Variants in CALN1 observed in about 807,000 individuals in gnomAD.
CALN1 encodes the protein calcium-binding protein 8.
In CALN1, 17 loss-of-function variants were observed where a neutral mutation model predicts 30.6. The ratio of observed to expected loss-of-function variants is 0.56; its 90% CI spans 0.38 to 0.83. The LOEUF is 0.83. Among genes scored for constraint, CALN1 ranks in the 40% least tolerant of loss-of-function variants. The pLI, the probability that CALN1 is intolerant of heterozygous loss-of-function variation, is 0.00. For synonymous variants in CALN1, 156 were observed against 131.4 expected (o/e 1.19, Z -1.28); for missense variants, 291 against 354.9 (o/e 0.82, Z 1.45).
intron 2 of CALN1, among the ~76,000 whole-genome samples, chr7:72,383,328 G>A (rs1805023746): frequency 6.6e-6 from 1 of 152,194 alleles, no homozygotes; most frequent in Admixed American, 6.5e-5. Flanking sequence ...AGTTCTTTGA[G>A]AAATCTCCAA....
At chr7:72,335,411 G>A (rs1801948726) in intron 2 of CALN1, among the ~76,000 whole-genome samples, 1 of 152,192 alleles carries the variant, frequency 6.6e-6, no homozygotes, top group Admixed American at 6.5e-5. Context: ...TGTTGCGTGT[G>A]TCTCAACACA....
At chr7:72,405,284 A>C (rs939738682) in intron 1 of CALN1, among the ~76,000 whole-genome samples, 2 of 152,244 alleles carry the variant, frequency 1.3e-5, no homozygotes, top group African/African-American at 4.8e-5. Flanking sequence ...TCAAACACAT[A>C]CATGCACACA....
chr7:72,242,065 C>A (rs1029751174), intron 3 of CALN1, among the ~76,000 whole-genome samples: 1 of 152,176 alleles, frequency 6.6e-6, no homozygotes, highest in African/African-American at 2.4e-5. Context: ...CCCCTGGCAA[C>A]CACCCTTCTA....
At chr7:71,931,374 T>G (rs1418899863) in intron 5 of CALN1, among the ~76,000 whole-genome samples, 1 of 152,160 alleles carries the variant, frequency 6.6e-6, no homozygotes, top group Admixed American at 6.5e-5. Context: ...CAAGTGATTC[T>G]CTTTGCCTCA....
At chr7:72,365,311 T>G (rs1413316604) in intron 2 of CALN1, among the ~76,000 whole-genome samples, 1 of 151,968 alleles carries the variant, frequency 6.6e-6, no homozygotes, top group Non-Finnish European at 1.5e-5. Context: ...CCAGCCTGGG[T>G]GACAGAGCAA....
chr7:71,946,240 A>G (rs931893946), intron 5 of CALN1, among the ~76,000 whole-genome samples: 3 of 152,072 alleles, frequency 2.0e-5, no homozygotes, highest in African/African-American at 7.2e-5. Flanking sequence ...ATCTTCATAC[A>G]TTTCTATTTT....
chr7:71,814,836 T>A (rs979360450), intron 5 of CALN1, among the ~76,000 whole-genome samples: 2 of 93,976 alleles, frequency 2.1e-5, no homozygotes, highest in East Asian at 2.6e-3. Flanking sequence ...TTAATCAACT[T>A]TTTTTTTTTT....
chr7:72,203,359 T>TA (rs1791578800), intron 3 of CALN1, among the ~76,000 whole-genome samples: 1 of 151,364 alleles, frequency 6.6e-6, no homozygotes, highest in Non-Finnish European at 1.5e-5. Context: ...AAATAAAAAA[T>TA]TAAAAAATCA....
intron 4 of CALN1, among the ~76,000 whole-genome samples, chr7:72,041,809 T>C (rs1279284693): frequency 6.6e-6 from 1 of 152,138 alleles, no homozygotes; most frequent in Non-Finnish European, 1.5e-5. Context: ...ATAAGTCTCA[T>C]GAGATCTGAT....
intron 5 of CALN1, among the ~76,000 whole-genome samples, chr7:71,841,574 T>G (rs1584345723): frequency 6.6e-6 from 1 of 152,192 alleles, no homozygotes; most frequent in South Asian, 2.1e-4. Context: ...GCAGCACTAT[T>G]CACAACAGCA....
At position 72,338,974 on chromosome 7, in the gene CALN1, C is replaced by A. The variant is rs1274291932; in HGVS notation, c.120-60164G>T. Among the ~76,000 whole-genome samples, 6 of 149,646 alleles carry A rather than the reference C, an allele frequency of 4.0e-5. 1 individual carries two copies. Reference sequence around the variant, plus strand: ...CTCACCCCCCACCCAGCCCCCCTCACCCTTCCCAACCTCTGGTAACCACTG... The same window carrying A: ...CTCACCCCCCACCCAGCCCCCCTCAACCTTCCCAACCTCTGGTAACCACTG... On this transcript the variant is annotated intron_variant, in intron 2 of 6. Coordinates refer to ENST00000395275, the MANE Select transcript of CALN1 (RefSeq NM_031468.4).
At chr7:72,292,524 A>T (rs1798556801) in intron 2 of CALN1, among the ~76,000 whole-genome samples, 1 of 151,176 alleles carries the variant, frequency 6.6e-6, no homozygotes, top group Non-Finnish European at 1.5e-5. Flanking sequence ...ATTGGCAATA[A>T]GAATTTCAAC....
At chr7:72,172,864 T>C (rs1789066992) in intron 3 of CALN1, among the ~76,000 whole-genome samples, 1 of 152,148 alleles carries the variant, frequency 6.6e-6, no homozygotes, top group African/African-American at 2.4e-5. Flanking sequence ...GACTGAAGAC[T>C]TCCCCCCTAA....
intron 2 of CALN1, among the ~76,000 whole-genome samples, chr7:72,329,847 A>C (rs968984875): frequency 6.6e-6 from 1 of 151,972 alleles, no homozygotes; most frequent in African/African-American, 2.4e-5. Context: ...CCAGCTATTC[A>C]GGAGACTGAG....
At chr7:72,132,883 T>C (rs1809255455) in intron 3 of CALN1, among the ~76,000 whole-genome samples, 1 of 152,026 alleles carries the variant, frequency 6.6e-6, no homozygotes, top group South Asian at 2.1e-4. Context: ...GAGCAGGAGG[T>C]GAGCAGCGGG....
At chr7:72,017,264 C>G (rs975821233) in intron 5 of CALN1, among the ~76,000 whole-genome samples, 37 of 150,536 alleles carry the variant, frequency 2.5e-4, no homozygotes, top group Non-Finnish European at 2.8e-4. Context: ...GATGGAGAGA[C>G]AAAAGGTAAA....
intron 2 of CALN1, among the ~76,000 whole-genome samples, chr7:72,282,685 G>C (rs1287668371): frequency 6.6e-6 from 1 of 152,186 alleles, no homozygotes; most frequent in African/African-American, 2.4e-5. Flanking sequence ...TGTAGGCAAT[G>C]AATGTCTGTT....
At chr7:72,113,153 T>C (rs1378930613) in intron 3 of CALN1, among the ~76,000 whole-genome samples, 4 of 152,144 alleles carry the variant, frequency 2.6e-5, no homozygotes, top group Non-Finnish European at 5.9e-5. Context: ...AGGTGGAGCC[T>C]AATGGGAGGC....
At chr7:72,200,608 C>T (rs1442184704) in intron 3 of CALN1, among the ~76,000 whole-genome samples, 2 of 151,908 alleles carry the variant, frequency 1.3e-5, no homozygotes, top group African/African-American at 2.4e-5. Context: ...TGAGATCTGC[C>T]ATCAAAGCCC....
Sources: allele counts gnomAD v4.1 joint callset (sites outside exome capture counted in the v4.1 genomes callset), GRCh38; gene constraint gnomAD v4.1.1; transcripts MANE v1.5; gene names NCBI Gene and HGNC (gene_info 2026-07-23, HGNC 2026-07-21).